The following CNBD1 variants were observed in gnomAD, a reference collection of about 807,000 sequenced individuals.
The protein encoded by CNBD1 is cyclic nucleotide-binding domain-containing protein 1.
A neutral mutation model predicts 54.4 loss-of-function variants in CNBD1; 71 were observed. The ratio of observed to expected loss-of-function variants is 1.30; its 90% CI spans 1.08 to 1.59. The LOEUF (loss-of-function observed/expected upper bound fraction) is 1.59, where lower values mean the gene tolerates loss of function less well. CNBD1 is among the 40% of genes most tolerant of loss of function. CNBD1 has a pLI of 0.00. For missense variants in CNBD1, 659 were observed against 518.0 expected (o/e 1.27, Z -2.64); for synonymous variants, 182 against 170.7 (o/e 1.07, Z -0.51).
At chr8:87,035,370 G>T (rs1809902757) in intron 4 of CNBD1, among the ~76,000 whole-genome samples, 2 of 151,960 alleles carry the variant, frequency 1.3e-5, no homozygotes, top group Non-Finnish European at 2.9e-5. Context: ...GGATATTTTT[G>T]GAGTCCCCAG....
At chr8:86,873,965 T>G (rs1223897240) in intron 1 of CNBD1, among the ~76,000 whole-genome samples, 4 of 152,198 alleles carry the variant, frequency 2.6e-5, no homozygotes, top group African/African-American at 9.7e-5. Flanking sequence ...TCAGGAAAAT[T>G]AACATTGATA....
At chr8:87,368,286 C>G (rs936592375) in intron 10 of CNBD1, among the ~76,000 whole-genome samples, 1 of 151,860 alleles carries the variant, frequency 6.6e-6, no homozygotes, top group Non-Finnish European at 1.5e-5. Flanking sequence ...AACAATATAT[C>G]CCAATAAATC....
intron 10 of CNBD1, among the ~76,000 whole-genome samples, chr8:87,367,410 C>A (rs556205656): frequency 6.6e-6 from 1 of 152,088 alleles, no homozygotes; most frequent in Non-Finnish European, 1.5e-5. Context: ...CATTACATCC[C>A]CTTGCAGATG....
chr8:86,956,293 A>T (rs1156662258), intron 4 of CNBD1, among the ~76,000 whole-genome samples: 2 of 152,006 alleles, frequency 1.3e-5, no homozygotes, highest in East Asian at 3.8e-4. Flanking sequence ...CTTTTGGCTT[A>T]GGATTGTCTT....
intron 5 of CNBD1, among the ~76,000 whole-genome samples, chr8:87,218,712 T>C (rs1391025687): frequency 6.6e-6 from 1 of 152,030 alleles, no homozygotes; most frequent in Admixed American, 6.6e-5. Flanking sequence ...ATAGATATGA[T>C]ATTGTTTTGA....
At chr8:86,897,988 TA>T (rs1306233205) in intron 2 of CNBD1, among the ~76,000 whole-genome samples, 1 of 152,150 alleles carries the variant, frequency 6.6e-6, no homozygotes, top group Admixed American at 6.6e-5. Flanking sequence ...GGGGAATAGT[TA>T]AATAAAGTAT....
At chr8:87,091,266 G>A (rs59728509) in intron 4 of CNBD1, among the ~76,000 whole-genome samples, 1 of 151,898 alleles carries the variant, frequency 6.6e-6, no homozygotes, top group Admixed American at 6.6e-5. Flanking sequence ...TAGACATACA[G>A]TTTATGGCCT....
intron 10 of CNBD1, among the ~76,000 whole-genome samples, chr8:87,376,446 C>A (rs1346213645): frequency 6.6e-6 from 1 of 151,838 alleles, no homozygotes; most frequent in Non-Finnish European, 1.5e-5. Context: ...AGGATTTCAA[C>A]CTATGAATTT....
chr8:87,332,083 C>T (rs570482364), intron 8 of CNBD1, among the ~76,000 whole-genome samples: 2 of 152,180 alleles, frequency 1.3e-5, no homozygotes, highest in African/African-American at 4.8e-5. Context: ...CGTTGGGGCT[C>T]ATACTTGTAA....
intron 10 of CNBD1, among the ~76,000 whole-genome samples, chr8:87,381,073 A>C (rs1287190059): frequency 6.6e-6 from 1 of 152,132 alleles, no homozygotes; most frequent in Non-Finnish European, 1.5e-5. Flanking sequence ...TGCACAGCAA[A>C]GGAACCAATC....
intron 6 of CNBD1, among the ~76,000 whole-genome samples, chr8:87,281,642 A>T (rs1416788839): frequency 7.2e-6 from 1 of 139,444 alleles, no homozygotes; most frequent in Admixed American, 7.8e-5. Context: ...GACTTGGTTG[A>T]ATTCCTTAAA....
At chr8:87,353,096 T>A (rs948836279) in intron 9 of CNBD1, among the ~76,000 whole-genome samples, 2 of 152,226 alleles carry the variant, frequency 1.3e-5, no homozygotes, top group Non-Finnish European at 2.9e-5. Context: ...CAAGGTCTCT[T>A]ATTTGAACCA....
intron 4 of CNBD1, among the ~76,000 whole-genome samples, chr8:87,088,340 T>C (rs571489009): frequency 2.6e-5 from 4 of 152,344 alleles, no homozygotes; most frequent in African/African-American, 9.6e-5. Flanking sequence ...CAAAACTAAG[T>C]GGTCCTGGTT....
At chr8:87,321,296 C>T (rs939109522) in intron 8 of CNBD1, among the ~76,000 whole-genome samples, 3 of 152,174 alleles carry the variant, frequency 2.0e-5, no homozygotes, top group Non-Finnish European at 4.4e-5. Flanking sequence ...TTATCACCAA[C>T]AGTATGCACG....
chr8:87,383,364 A>T (rs1811124814), downstream of CNBD1, among the ~76,000 whole-genome samples: 2 of 152,104 alleles, frequency 1.3e-5, no homozygotes, highest in African/African-American at 2.4e-5. Context: ...AAGGGGGAAA[A>T]CCGTACGTTT....
At chr8:87,233,948 A>T (rs1807518160) in intron 5 of CNBD1, among the ~76,000 whole-genome samples, 1 of 152,198 alleles carries the variant, frequency 6.6e-6, no homozygotes, top group Admixed American at 6.6e-5. Context: ...AACTAAGTTT[A>T]TGTTACATTC....
intron 4 of CNBD1, among the ~76,000 whole-genome samples, chr8:87,151,137 G>C (rs1301289929): frequency 6.6e-6 from 1 of 152,130 alleles, no homozygotes; most frequent in Non-Finnish European, 1.5e-5. Context: ...CAGGTACCTT[G>C]GTGGCCAGAA....
intron 4 of CNBD1, among the ~76,000 whole-genome samples, chr8:87,142,159 G>A (rs1371984266): frequency 6.6e-6 from 1 of 152,074 alleles, no homozygotes; most frequent in African/African-American, 2.4e-5. Context: ...AGGTTACCAG[G>A]GAACGTTATG....
At chr8:87,389,407 A>T (rs1001183114) in intron 2 of CNBD1, among the ~76,000 whole-genome samples, 1 of 152,248 alleles carries the variant, frequency 6.6e-6, no homozygotes, top group African/African-American at 2.4e-5. Context: ...GGAAAGTCTC[A>T]GGATATAAAA....
Sources: allele counts gnomAD v4.1 joint callset (sites outside exome capture counted in the v4.1 genomes callset), GRCh38; gene constraint gnomAD v4.1.1; transcripts MANE v1.5; gene names NCBI Gene and HGNC (gene_info 2026-07-23, HGNC 2026-07-21).